The following ABCC6 variants were observed in gnomAD, a reference collection of about 807,000 sequenced individuals.
The protein encoded by ABCC6 is ATP binding cassette subfamily C member 6.
In ABCC6, 126 loss-of-function variants were observed where a neutral mutation model predicts 169.5. The observed-to-expected ratio is 0.74, with a 90% CI of 0.64 to 0.86. The LOEUF (loss-of-function observed/expected upper bound fraction) is 0.86, where lower values mean the gene tolerates loss of function less well. Among genes scored for constraint, ABCC6 ranks in the 40% least tolerant of loss-of-function variants. ABCC6 has a pLI of 0.00. For missense variants in ABCC6, 1,733 were observed against 1,927.2 expected (o/e 0.90, Z 1.89); for synonymous variants, 752 against 814.7 (o/e 0.92, Z 1.31).
In ABCC6 at chr16:16,159,597, G is replaced by T. The variant is rs1279431474; in HGVS notation, c.3634-14C>A. On this transcript the variant is annotated splice_polypyrimidine_tract_variant and intron_variant, in intron 25 of 30. Transcript: ENST00000205557. ...TGTCTGGGTCACCTGGTGCAAGAAA[G>T]CCTCTCTGGCTGGGTTTGGCAAGGC... is the stretch of plus-strand genomic sequence containing the variant. The T allele has an allele frequency of 1.2e-6, 2 of 1,613,486 alleles. No homozygotes were observed. Among genetic ancestry groups the T allele is most frequent in the Non-Finnish European group, 1.7e-6 (2 of 1,179,574 alleles).
rs1030872147 is a variant in ABCC6 at position 16,150,600 on chromosome 16, G to T, written c.4381C>A (p.Arg1461Ser). Residue 1461 changes from arginine to serine, a missense_variant, in exon 30 of 31, where the codon CGC (arginine) becomes AGC (serine). Arg to Ser is a moderately radical substitution (Grantham distance 110). This residue lies in a region of ABCC6 where 1,601 missense variants were observed against 1,635.5 expected (regional missense o/e 0.98). Transcript: ENST00000205557. ...CTVLLIAHRL[R>S]SVMDCARVLV... ...TACCGGGCACAGTCCATCACGGAGCGCAGGCGGTGGGCAATGAGCAGCACA... is the reference window on the plus strand; with the variant it reads ...TACCGGGCACAGTCCATCACGGAGCTCAGGCGGTGGGCAATGAGCAGCACA... The T allele has an allele frequency of 1.2e-6, 2 of 1,612,258 alleles. No individual in the cohort carries two copies. The highest frequency in any genetic ancestry group is 2.2e-5 in the East Asian group (1 of 44,842).
intron 7 of ABCC6, among the ~76,000 whole-genome samples, chr16:16,205,375 A>G (rs2376795): frequency 1.6e-4 from 24 of 152,248 alleles, no homozygotes; most frequent in South Asian, 1.0e-3. Flanking sequence ...ATGGTTTGTA[A>G]AGGGTTTCTT....
intron 14 of ABCC6, 95 bp downstream of exon 14, chr16:16,187,029 C>T (rs1402731465): frequency 1.1e-5 from 12 of 1,097,992 alleles, no homozygotes; most frequent in Middle Eastern, 2.7e-4. Flanking sequence ...GCCCCCATCT[C>T]CCCCCAGTAC....
intron 22 of ABCC6, among the ~76,000 whole-genome samples, chr16:16,168,815 T>A (rs2046964125): frequency 1.3e-5 from 2 of 152,066 alleles, no homozygotes; most frequent in African/African-American, 2.4e-5. Flanking sequence ...GTGCGGGGGC[T>A]CACACCTGTA....
At position 16,150,626 on chromosome 16, in the gene ABCC6, G is replaced by C. The variant is rs780599196; in HGVS notation, c.4355C>G (p.Thr1452Ser). 6.2e-7 allele frequency: 1 copy of C among 1,613,550 alleles called. No individual in the cohort carries two copies. The highest frequency in any genetic ancestry group is 2.2e-5 in the East Asian group (1 of 44,872). ...AMLGSWFAQC[T>S]VLLIAHRLRS... ...CAGGCGGTGGGCAATGAGCAGCACA[G>C]TGCACTGTGCAAACCAGCTCCCGAG... is the stretch of plus-strand genomic sequence containing the variant. The change falls in exon 30 of 31, where the codon ACT becomes AGT. Residue 1452 changes from threonine to serine, a missense_variant. Coordinates refer to ENST00000205557, the MANE Select transcript of ABCC6 (RefSeq NM_001171.6).
chr16:16,154,516 T>TA lies in ABCC6; in HGVS notation c.4208+111dup, dbSNP rs1220218573. The TA allele has an allele frequency of 4.4e-6, 6 of 1,348,696 alleles. No individual in the cohort carries two copies. The East Asian group carries it at 1.5e-4, about 33-fold the overall frequency. 83.5% of individuals were successfully genotyped at this position (1,348,696 alleles called of 1,614,324 possible). A position where few individuals can be genotyped will look rare whatever the true frequency, so the allele number is the denominator to read the frequency against. ...GATAAGAGACATGTGGTTATTAATG[T>TA]AACAGAGTGATAATCCTATCGGGGG... On this transcript the variant is annotated intron_variant, in intron 29 of 30. Coordinates refer to ENST00000205557, the MANE Select transcript of ABCC6 (RefSeq NM_001171.6).
At chr16:16,151,966 GC>G (rs1044826500) in intron 29 of ABCC6, among the ~76,000 whole-genome samples, 3 of 151,970 alleles carry the variant, frequency 2.0e-5, no homozygotes, top group Admixed American at 6.6e-5. Flanking sequence ...GCTGAGGTGG[GC>G]GGATCACGAG....
At chr16:16,167,149 A>G (rs1012186977) in intron 22 of ABCC6, among the ~76,000 whole-genome samples, 1 of 152,202 alleles carries the variant, frequency 6.6e-6, no homozygotes, top group Non-Finnish European at 1.5e-5. Flanking sequence ...AATTTCACCC[A>G]TGGCCAATCC....
At chr16:16,153,454 A>G (rs974311090) in intron 29 of ABCC6, among the ~76,000 whole-genome samples, 7 of 152,178 alleles carry the variant, frequency 4.6e-5, no homozygotes, top group Non-Finnish European at 7.3e-5. Flanking sequence ...GACAGATCCT[A>G]TGATTCTGCG....
intron 14 of ABCC6, among the ~76,000 whole-genome samples, chr16:16,185,493 A>G (rs979775280): frequency 6.6e-6 from 1 of 152,180 alleles, no homozygotes; most frequent in East Asian, 1.9e-4. Context: ...GGTGTTATTA[A>G]TTTCACTGTG....
chr16:16,151,778 T>G (rs969407196), intron 29 of ABCC6, among the ~76,000 whole-genome samples: 3 of 152,166 alleles, frequency 2.0e-5, no homozygotes, highest in Non-Finnish European at 4.4e-5. Context: ...AGAAGCTCAG[T>G]GGCTTGACCA....
chr16:16,192,008 G>C (rs527604118), intron 11 of ABCC6, among the ~76,000 whole-genome samples: 1 of 152,060 alleles, frequency 6.6e-6, no homozygotes, highest in Non-Finnish European at 1.5e-5. Flanking sequence ...GAAGTGCTGT[G>C]GGGGGAAAAA....
chr16:16,154,636 C>T lies in ABCC6; in HGVS notation c.4200G>A (p.Glu1400=). Residue 1400 remains glutamate (E), a synonymous_variant, in exon 29 of 31, where the codon GAG becomes GAA. Transcript: ENST00000205557. The part of the protein sequence containing the change: ...QLQYKCADRG[E]DLSVGQKQLL... ...TGGTGGGACGACCATACCTCAGGTCCTCGCCTCGGTCAGCACACTTGTACT... is the reference window on the plus strand; with the variant it reads ...TGGTGGGACGACCATACCTCAGGTCTTCGCCTCGGTCAGCACACTTGTACT... 2 of 1,612,214 alleles carry T rather than the reference C, an allele frequency of 1.2e-6. No individual in the cohort carries two copies. Among genetic ancestry groups the T allele is most frequent in the South Asian group, 1.1e-5 (1 of 90,990 alleles).
At chr16:16,202,439 C>G (rs1233191777) in intron 8 of ABCC6, among the ~76,000 whole-genome samples, 1 of 152,086 alleles carries the variant, frequency 6.6e-6, no homozygotes, top group African/African-American at 2.4e-5. Flanking sequence ...AAATTGTGTC[C>G]TCACAAAGTT....
chr16:16,159,651 G>A, intron 25 of ABCC6, 68 bp from the exon 26 acceptor site: 1 of 1,450,326 alleles, frequency 6.9e-7, no homozygotes, highest in Non-Finnish European at 9.6e-7. Flanking sequence ...AGCCCCCCTG[G>A]TTTCCCAACC....
chr16:16,219,671 C>T lies in ABCC6; in HGVS notation c.357G>A (p.Val119=). The change falls in exon 4 of 31, where the codon GTG becomes GTA. Residue 119 remains valine, a synonymous_variant. Transcript: ENST00000205557. ...TVWLTTMSFA[V]FLIHTERKKG... The stretch of plus-strand genomic sequence containing the variant: ...TTTTCCTCTCGGTGTGAATCAGGAA[C>T]ACTGCGAAGCTCTGGACGGGAAAGT... 3 of 1,487,996 alleles carry T rather than the reference C, an allele frequency of 2.0e-6. No homozygotes were observed. Among genetic ancestry groups the T allele is most frequent in the Middle Eastern group, 2.4e-4 (1 of 4,248 alleles). 92.2% of individuals were successfully genotyped at this position (1,487,996 alleles called of 1,614,324 possible).
intron 8 of ABCC6, among the ~76,000 whole-genome samples, chr16:16,202,496 T>G (rs1346243468): frequency 6.6e-6 from 1 of 152,134 alleles, no homozygotes; most frequent in Non-Finnish European, 1.5e-5. Context: ...GTGACTGTAT[T>G]TGGAAATAGG....
intron 21 of ABCC6, among the ~76,000 whole-genome samples, chr16:16,171,493 C>G (rs561555015): frequency 6.6e-6 from 1 of 152,274 alleles, no homozygotes; most frequent in East Asian, 1.9e-4. Flanking sequence ...CCAGACTTAG[C>G]CTGGCACATA....
rs114246406 is a variant in ABCC6, at chr16:16,178,845, G to A, written c.2368C>T (p.His790Tyr). 1 of 1,613,840 alleles carries A rather than the reference G, an allele frequency of 6.2e-7. No homozygotes were observed. Among genetic ancestry groups the A allele is most frequent in the African/African-American group, 1.3e-5 (1 of 75,040 alleles). ...GGCCCAATGACCTGGTTGAAGACAT[G>A]CTGGCCAACGTGGGCATCCAGGGCC... ...LAALDAHVGQ[H>Y]VFNQVIGPGG... Residue 790 changes from histidine to tyrosine, a missense_variant, in exon 18 of 31, where the codon CAT becomes TAT. This residue lies in a region of ABCC6 where 1,601 missense variants were observed against 1,635.5 expected (regional missense o/e 0.98). Transcript: ENST00000205557.
Sources: allele counts gnomAD v4.1 joint callset (sites outside exome capture counted in the v4.1 genomes callset), GRCh38; gene constraint gnomAD v4.1.1; regional missense constraint gnomAD v4.1.1; transcripts MANE v1.5; gene names NCBI Gene and HGNC (gene_info 2026-07-23, HGNC 2026-07-21).